HSF2BP: variants seen among roughly 807,000 people sequenced by gnomAD.
HSF2BP encodes heat shock transcription factor 2 binding protein.
HSF2BP carries 35 observed loss-of-function variants against 35.0 expected under a neutral mutation model. That is an observed-to-expected ratio of 1.00 (90% CI 0.76 to 1.32). HSF2BP has a LOEUF of 1.32. Among genes scored for constraint, HSF2BP ranks in the 40% most tolerant of loss-of-function variants. The pLI is 0.00. For synonymous variants in HSF2BP, 114 were observed against 117.4 expected (o/e 0.97, Z 0.18); for missense variants, 326 against 321.7 (o/e 1.01, Z -0.10).
At position 43,658,227 on chromosome 21, in the gene HSF2BP, T is replaced by G. The variant is rs1319276376; in HGVS notation, c.-131A>C. 20 of 1,090,680 alleles carry G rather than the reference T, an allele frequency of 1.8e-5. No individual in the cohort carries two copies. Among genetic ancestry groups the G allele is most frequent in the Non-Finnish European group, 2.4e-5 (19 of 792,110 alleles). The allele number at this position is 1,090,680 out of a possible 1,614,324, so 67.6% of individuals were successfully genotyped here. A position where few individuals can be genotyped will look rare whatever the true frequency, so the allele number is the denominator to read the frequency against. On this transcript the variant is annotated 5_prime_UTR_variant, in exon 2 of 9. Transcript: ENST00000291560. Reference sequence around the variant, plus strand: ...GCCGCCAGGCCCAAACCTCCCAGAATTTGCGCAGTATTCTCGGCCTAGAGA... The same window carrying G: ...GCCGCCAGGCCCAAACCTCCCAGAAGTTGCGCAGTATTCTCGGCCTAGAGA...
At position 43,581,330 on chromosome 21, in the gene HSF2BP, G is replaced by A. The variant is rs11909547; in HGVS notation, c.796+10895C>T. ...GAACCTGGGAGGCAGGGCTTGCAGT[G>A]AGCCAAGATCACGCCTCTGAACTCC... is the stretch of plus-strand genomic sequence containing the variant. On this transcript the variant is annotated intron_variant, in intron 8 of 8. Transcript: ENST00000291560. Among the ~76,000 whole-genome samples the A allele has an allele frequency of 5.5e-4, 83 of 151,710 alleles. No homozygotes were observed. In the Middle Eastern group the frequency reaches 0.017, roughly 31 times the overall value.
intron 6 of HSF2BP, among the ~76,000 whole-genome samples, chr21:43,616,231 A>G (rs1295903846): frequency 6.6e-6 from 1 of 152,238 alleles, no homozygotes; most frequent in Non-Finnish European, 1.5e-5. Context: ...CCAAGGATGG[A>G]CAGGAAGAAG....
At chr21:43,600,567 G>A (rs943550875) in intron 7 of HSF2BP, among the ~76,000 whole-genome samples, 4 of 152,190 alleles carry the variant, frequency 2.6e-5, no homozygotes, top group East Asian at 1.9e-4. Context: ...TCATTAGACA[G>A]AGTACAGTAA....
chr21:43,611,760 C>T (rs2082207270), intron 7 of HSF2BP, among the ~76,000 whole-genome samples: 1 of 152,248 alleles, frequency 6.6e-6, no homozygotes, highest in Non-Finnish European at 1.5e-5. Flanking sequence ...CTTCTCAACT[C>T]CTGCCGCAGG....
intron 7 of HSF2BP, among the ~76,000 whole-genome samples, chr21:43,596,768 C>CA (rs1327525880): frequency 6.6e-6 from 1 of 151,830 alleles, no homozygotes; most frequent in African/African-American, 2.4e-5. Context: ...CCTAGAGTCT[C>CA]AGCTACTCGG....
chr21:43,649,377 G>A (rs2082752367), intron 3 of HSF2BP, among the ~76,000 whole-genome samples: 1 of 151,894 alleles, frequency 6.6e-6, no homozygotes, highest in Non-Finnish European at 1.5e-5. Context: ...GGGTTGCAGT[G>A]AGTCAAGATG....
At chr21:43,625,889 T>C (rs2082383992) in intron 6 of HSF2BP, among the ~76,000 whole-genome samples, 1 of 152,212 alleles carries the variant, frequency 6.6e-6, no homozygotes, top group Non-Finnish European at 1.5e-5. Flanking sequence ...CACAGCCCAC[T>C]GCCTCACCAG....
At chr21:43,593,456 A>G (rs1456233981) in intron 7 of HSF2BP, among the ~76,000 whole-genome samples, 1 of 152,208 alleles carries the variant, frequency 6.6e-6, no homozygotes, top group Non-Finnish European at 1.5e-5. Flanking sequence ...GACGCATGAG[A>G]AAAAGAAGAC....
intron 4 of HSF2BP, among the ~76,000 whole-genome samples, chr21:43,638,259 A>C (rs2082591433): frequency 6.6e-6 from 1 of 152,172 alleles, no homozygotes; most frequent in African/African-American, 2.4e-5. Context: ...GGAATTCGAG[A>C]CCAGCCTGGC....
intron 7 of HSF2BP, among the ~76,000 whole-genome samples, 189 bp downstream of exon 7, chr21:43,613,641 C>G (rs2082235779): frequency 6.6e-6 from 1 of 152,174 alleles, no homozygotes; most frequent in Non-Finnish European, 1.5e-5. Context: ...GAGAACATTC[C>G]TTCCTTAAAT....
chr21:43,591,742 TAAAC>T (rs1272534857), intron 8 of HSF2BP, among the ~76,000 whole-genome samples: 6 of 152,168 alleles, frequency 3.9e-5, no homozygotes, highest in Non-Finnish European at 7.4e-5. Flanking sequence ...AATCCAGAAA[TAAAC>T]AATTCTTAAG....
At position 43,658,179 on chromosome 21, in the gene HSF2BP, A is replaced by C; in HGVS notation, c.-83T>G. The stretch of plus-strand genomic sequence containing the variant: ...CGCCAGAAAGCGCGGGAACGAATCC[A>C]CGCCGGGGGTCGGGAACGGAGAGCC... On this transcript the variant is annotated 5_prime_UTR_variant, in exon 2 of 9. Transcript: ENST00000291560. 2.8e-6 allele frequency: 4 copies of C among 1,407,618 alleles called. No homozygotes were observed. The highest frequency in any genetic ancestry group is 1.4e-5 in the South Asian group (1 of 69,368). The allele number at this position is 1,407,618 out of a possible 1,614,324, so 87.2% of individuals were successfully genotyped here.
intron 3 of HSF2BP, among the ~76,000 whole-genome samples, chr21:43,650,250 G>A (rs369890825): frequency 7.3e-5 from 11 of 151,626 alleles, no homozygotes; most frequent in Non-Finnish European, 1.3e-4. Flanking sequence ...TCTGTCGCCC[G>A]GGCTGGAGTG....
At chr21:43,620,975 C>A (rs910191677) in intron 6 of HSF2BP, among the ~76,000 whole-genome samples, 6 of 152,002 alleles carry the variant, frequency 3.9e-5, no homozygotes, top group Non-Finnish European at 8.8e-5. Context: ...TGGTGTTCAA[C>A]AAGGTGATGA....
At chr21:43,578,891 G>A (rs948893360) in intron 8 of HSF2BP, among the ~76,000 whole-genome samples, 1 of 152,184 alleles carries the variant, frequency 6.6e-6, no homozygotes, top group Admixed American at 6.5e-5. Context: ...GCATGAGCCA[G>A]AAGAGAAGAC....
chr21:43,496,244 A>G, the HSF2BP span, among the ~76,000 whole-genome samples: 4 of 95,552 alleles, frequency 4.2e-5, no homozygotes, highest in African/African-American at 1.6e-4. Flanking sequence ...GCTCATTTCT[A>G]TACGCTAACA....
intron 6 of HSF2BP, among the ~76,000 whole-genome samples, chr21:43,627,971 C>T (rs1174432986): frequency 5.3e-5 from 8 of 152,104 alleles, no homozygotes; most frequent in Admixed American, 5.2e-4. Flanking sequence ...TTTAGGGCAC[C>T]ATGAGCCACA....
chr21:43,632,900 AAC>A (rs201167965), intron 5 of HSF2BP, among the ~76,000 whole-genome samples: 43 of 149,966 alleles, frequency 2.9e-4, no homozygotes, highest in Non-Finnish European at 5.8e-4. Context: ...TGTATGTATA[AAC>A]ACACACACAC....
intron 8 of HSF2BP, among the ~76,000 whole-genome samples, chr21:43,590,216 CAG>C (rs1345862891): frequency 6.6e-6 from 1 of 152,088 alleles, no homozygotes; most frequent in Non-Finnish European, 1.5e-5. Flanking sequence ...AACATACAAA[CAG>C]ATATCATCAA....
Sources: gnomAD v4.1 joint callset for allele counts (sites outside exome capture counted in the v4.1 genomes callset) on GRCh38, gnomAD v4.1.1 for gene constraint, MANE v1.5 for transcripts, NCBI Gene and HGNC (gene_info 2026-07-23, HGNC 2026-07-21) for gene names.